The following PARVG variants were observed in gnomAD, a reference collection of about 807,000 sequenced individuals.
The protein encoded by PARVG is parvin gamma.
PARVG carries 36 observed loss-of-function variants against 44.4 expected under a neutral mutation model. That is an observed-to-expected ratio of 0.81 (90% CI 0.62 to 1.07). PARVG has a LOEUF of 1.07. PARVG is among the 50% of genes least tolerant of loss of function. PARVG has a pLI of 0.00. For synonymous variants in PARVG, 170 were observed against 174.1 expected, an observed-to-expected ratio of 0.98 and a Z score of 0.19; for missense variants, 407 against 407.4, an observed-to-expected ratio of 1.00 and a Z score of 0.01.
rs146671565 is a variant in PARVG at position 44,187,818 on chromosome 22, A to G, written c.187A>G (p.Ile63Val). The G allele has an allele frequency of 4.3e-6, 7 of 1,614,224 alleles. No homozygotes were observed. The South Asian group carries it at 5.5e-5, about 13-fold the overall frequency. ...WINATLLPEH[I>V]VVRSLEEDMF... ...CAATGCCACTCTTCTCCCCGAGCAC[A>G]TTGTGGTCCGCAGCCTGGAGGAGGA... Residue 63 changes from isoleucine to valine, a missense_variant, in exon 5 of 14, where the codon ATT (isoleucine) becomes GTT (valine). Ile to Val is a conservative substitution (Grantham distance 29). Transcript: ENST00000444313.
intron 6 of PARVG, 86 bp downstream of exon 6, chr22:44,189,340 C>T (rs943377277): frequency 1.7e-5 from 26 of 1,530,162 alleles, no homozygotes; most frequent in Middle Eastern, 2.3e-4. Context: ...ACCAGGAAGG[C>T]GCACTCATCC....
At chr22:44,185,961 C>T in intron 4 of PARVG, 89 bp downstream of exon 4, 1 of 1,338,006 alleles carries the variant, frequency 7.5e-7, no homozygotes, top group Non-Finnish European at 1.0e-6. Context: ...GCAGGCTGTC[C>T]CCACTCCTTG....
chr22:44,181,037 T>C lies in PARVG; in HGVS notation c.-337T>C, dbSNP rs1377113597. ...ACGCTGTTTTCTCCACCTGCCACGT[T>C]CTCACCCCTTCTTCTTCCACTGCAA... is the stretch of plus-strand genomic sequence containing the variant. On this transcript the variant is annotated 5_prime_UTR_variant, in exon 1 of 14. Coordinates refer to ENST00000444313, the MANE Select transcript of PARVG (RefSeq NM_022141.7). 1 of 947,640 alleles carries C rather than the reference T, an allele frequency of 1.1e-6. No homozygotes were observed. The highest frequency in any genetic ancestry group is 1.8e-5 in the African/African-American group (1 of 56,396). The allele number at this position is 947,640 out of a possible 1,614,324, so 58.7% of individuals were successfully genotyped here. A position where few individuals can be genotyped will look rare whatever the true frequency, so the allele number is the denominator to read the frequency against.
chr22:44,192,995 C>A (rs555534961), intron 8 of PARVG, among the ~76,000 whole-genome samples: 106 of 152,302 alleles, frequency 7.0e-4, no homozygotes, highest in African/African-American at 2.4e-3. Context: ...GGGCTGCCAT[C>A]CTCTGAAGGC....
intron 6 of PARVG, among the ~76,000 whole-genome samples, chr22:44,190,275 C>T (rs1047360026): frequency 2.5e-4 from 38 of 152,302 alleles, no homozygotes; most frequent in African/African-American, 8.2e-4. Context: ...TGGTTGTTTC[C>T]GATTGTAAAC....
chr22:44,184,540 T>C (rs1158430045), intron 3 of PARVG: 1 of 152,226 alleles, frequency 6.6e-6, no homozygotes, highest in Admixed American at 6.5e-5. Context: ...GGTTTCACCA[T>C]GTTGGCCAGC....
In PARVG at chr22:44,206,713, T is replaced by C. The variant is rs115138314; in HGVS notation, c.*287T>C. On this transcript the variant is annotated 3_prime_UTR_variant, in exon 14 of 14. Coordinates refer to ENST00000444313, the MANE Select transcript of PARVG (RefSeq NM_022141.7). ...CCTTAAACCTGCAGCCTCCCTCCCA[T>C]GGGGTGAGTGTGTGTCACATCAGTC... The C allele has an allele frequency of 2.4e-6, 1 of 413,618 alleles. No homozygotes were observed. The highest frequency in any genetic ancestry group is 2.4e-5 in the South Asian group (1 of 40,820). 25.6% of individuals were successfully genotyped at this position (413,618 alleles called of 1,614,324 possible). A position where few individuals can be genotyped will look rare whatever the true frequency, so the allele number is the denominator to read the frequency against.
At position 44,181,659 on chromosome 22, in the gene PARVG, C is replaced by G. The variant is rs949704916; in HGVS notation, c.-188-83C>G. ...CCGGGGGCCCAGGCGGCACGGCGGG[C>G]GCTGGGGCTCCGGGCAGAGCTTTCT... On this transcript the variant is annotated intron_variant, in intron 1 of 13. Transcript: ENST00000444313. The G allele has an allele frequency of 3.1e-6, 3 of 960,724 alleles. No homozygotes were observed. The Admixed American group carries it at 1.8e-4, about 59-fold the overall frequency. The allele number at this position is 960,724 out of a possible 1,614,324, so 59.5% of individuals were successfully genotyped here. A position where few individuals can be genotyped will look rare whatever the true frequency, so the allele number is the denominator to read the frequency against.
intron 13 of PARVG, 79 bp from the exon 14 acceptor site, chr22:44,206,238 G>A (rs929423438): frequency 3.8e-6 from 4 of 1,044,804 alleles, no homozygotes; most frequent in Non-Finnish European, 4.4e-6. Context: ...CTGAATGCCA[G>A]GAAACCTTGA....
intron 6 of PARVG, 99 bp downstream of exon 6, chr22:44,189,353 C>T (rs2054518581): frequency 6.6e-7 from 1 of 1,504,662 alleles, no homozygotes. Context: ...ACTCATCCTT[C>T]TCCCAGCAGG....
chr22:44,183,388 C>A lies in PARVG; in HGVS notation c.59C>A (p.Ala20Glu). The change falls in exon 3 of 14, where the codon GCG (alanine) becomes GAG (glutamate). Residue 20 changes from alanine to glutamate, a missense_variant. Ala to Glu is a moderately radical substitution (Grantham distance 107). Transcript: ENST00000444313. ...CTCCCCAAGGGGGTGGAGCCCCCAGCGGAGGAGGAGCTCTCAAAAGGTGTG... is the reference window on the plus strand; with the variant it reads ...CTCCCCAAGGGGGTGGAGCCCCCAGAGGAGGAGGAGCTCTCAAAAGGTGTG... ...LQLPKGVEPP[A>E]EEELSKGGKK... is the part of the protein sequence containing the mutation. 1 of 1,606,108 alleles carries A rather than the reference C, an allele frequency of 6.2e-7. No homozygotes were observed. Among genetic ancestry groups the A allele is most frequent in the Non-Finnish European group, 8.5e-7 (1 of 1,177,590 alleles).
At chr22:44,179,258 C>A (rs139122), upstream of PARVG, among the ~76,000 whole-genome samples, 1 of 151,972 alleles carries the variant, frequency 6.6e-6, no homozygotes, top group Non-Finnish European at 1.5e-5. This position sits in a 1 kb window ranked among gnomAD's most constrained non-coding sequence, Gnocchi z 4.2. Flanking sequence ...AAACAATGCT[C>A]TACACACAAG....
At chr22:44,183,440 G>A (rs1361118891) in intron 3 of PARVG, 32 bp downstream of exon 3, 2 of 1,548,270 alleles carry the variant, frequency 1.3e-6, no homozygotes, top group Non-Finnish European at 1.7e-6. Context: ...AGGGTGGAGG[G>A]TGAAGGTCTG....
In PARVG at chr22:44,182,261, A is replaced by C. The variant is rs1488867339; in HGVS notation, c.-13+344A>C. ...TCGAGTCCAGGCCCTCCTTGTAACC[A>C]TGCATCAGGACCAGAGAGGGCAGGG... On this transcript the variant is annotated intron_variant, in intron 2 of 13. Transcript: ENST00000444313. The surrounding 1 kb of genome is among the most constrained non-coding windows in gnomAD (Gnocchi z 4.6). 1.3e-5 allele frequency among the ~76,000 whole-genome samples: 2 copies of C among 152,132 alleles called. No individual in the cohort carries two copies. Among genetic ancestry groups the C allele is most frequent in the Non-Finnish European group, 2.9e-5 (2 of 68,008 alleles).
intron 9 of PARVG, among the ~76,000 whole-genome samples, chr22:44,194,490 C>T (rs1255500606): frequency 1.3e-5 from 2 of 152,188 alleles, no homozygotes; most frequent in East Asian, 1.9e-4. Context: ...CACCCACCCA[C>T]CTATCCATCC....
In PARVG at chr22:44,194,190, TCTATAAAAGGGCACTCAC is replaced by T. The variant is rs377140822; in HGVS notation, c.583+370_583+387del. ...ACTTGTCCGTGCCTCAGTTTCCTCA[TCTATAAAAGGGCACTCAC>T]CTTTTAAACTGGCAGTGAGGGTTAA... On this transcript the variant is annotated intron_variant, in intron 9 of 13. Coordinates refer to ENST00000444313, the MANE Select transcript of PARVG (RefSeq NM_022141.7). 5.5e-3 allele frequency among the ~76,000 whole-genome samples: 837 copies of T among 152,316 alleles called. 10 individuals carry two copies. The highest frequency in any genetic ancestry group is 0.024 in the Middle Eastern group (7 of 294).
chr22:44,197,599 C>G (rs1393456363), intron 11 of PARVG, among the ~76,000 whole-genome samples: 1 of 152,156 alleles, frequency 6.6e-6, no homozygotes. Flanking sequence ...ACACACATTT[C>G]CCTCCTGCCT....
chr22:44,175,164 A>G (rs1286362591), intron 1 of PARVG, among the ~76,000 whole-genome samples: 5 of 152,218 alleles, frequency 3.3e-5, no homozygotes, highest in African/African-American at 4.8e-5. Context: ...TTTCAGGCCA[A>G]TGCACTGGTG....
At chr22:44,176,982 G>A (rs890467035), upstream of PARVG, among the ~76,000 whole-genome samples, 5 of 152,006 alleles carry the variant, frequency 3.3e-5, no homozygotes, top group Non-Finnish European at 5.9e-5. Flanking sequence ...GGAAAAACCC[G>A]TCCCCATGAT....
Sources: gnomAD v4.1 joint callset for allele counts (sites outside exome capture counted in the v4.1 genomes callset) on GRCh38, gnomAD v4.1.1 for gene constraint, Gnocchi (gnomAD v3.1) non-coding constraint, MANE v1.5 for transcripts, NCBI Gene and HGNC (gene_info 2026-07-23, HGNC 2026-07-21) for gene names.